LRRC4C: variants seen among roughly 807,000 people sequenced by gnomAD.
The protein encoded by LRRC4C is leucine rich repeat containing 4C.
In LRRC4C, 5 loss-of-function variants were observed where a neutral mutation model predicts 33.6. The ratio of observed to expected loss-of-function variants is 0.15; its 90% CI spans 0.08 to 0.31. The LOEUF is 0.31. Ranked by LOEUF, LRRC4C falls within the 10% of genes least tolerant of loss-of-function variation. The pLI is 1.00. For missense variants in LRRC4C, 560 were observed against 796.7 expected, an observed-to-expected ratio of 0.70 and a Z score of 3.58; for synonymous variants, 329 against 302.0, an observed-to-expected ratio of 1.09 and a Z score of -0.93.
At chr11:40,433,651 A>G (rs1256361307) in intron 3 of LRRC4C, among the ~76,000 whole-genome samples, 3 of 152,210 alleles carry the variant, frequency 2.0e-5, no homozygotes, top group Non-Finnish European at 4.4e-5. Flanking sequence ...AGGAGAGAGA[A>G]CATGTGCATG....
At position 40,114,256 on chromosome 11, in the gene LRRC4C, GT is replaced by G. The variant is rs1564996843; in HGVS notation, c.*113del. The G allele has an allele frequency of 2.5e-6, 3 of 1,183,750 alleles. No individual in the cohort carries two copies. Among genetic ancestry groups the G allele is most frequent in the East Asian group, 2.6e-5 (1 of 37,748 alleles). The allele number at this position is 1,183,750 out of a possible 1,614,324, so 73.3% of individuals were successfully genotyped here. A position where few individuals can be genotyped will look rare whatever the true frequency, so the allele number is the denominator to read the frequency against. The stretch of plus-strand genomic sequence containing the variant: ...AATAAATAAATTTCTTTTCTTTTTT[GT>G]TTTTTTGTAAAGACACTTTTTTGAA... On this transcript the variant is annotated 3_prime_UTR_variant, in exon 7 of 7. Coordinates refer to ENST00000528697, the MANE Select transcript of LRRC4C (RefSeq NM_001258419.2).
chr11:40,836,479 C>T (rs555404255), intron 2 of LRRC4C, among the ~76,000 whole-genome samples: 3 of 152,274 alleles, frequency 2.0e-5, no homozygotes, highest in South Asian at 4.1e-4. Context: ...CTTATGCACT[C>T]TTTAGGGGGC....
intron 1 of LRRC4C, among the ~76,000 whole-genome samples, chr11:40,940,899 G>T (rs142342763): frequency 6.7e-6 from 1 of 148,876 alleles, no homozygotes; most frequent in Non-Finnish European, 1.5e-5. Context: ...GGCCTGAAGA[G>T]CATGACAGAG....
chr11:41,152,593 A>C (rs948324639), intron 1 of LRRC4C, among the ~76,000 whole-genome samples: 1 of 152,208 alleles, frequency 6.6e-6, no homozygotes, highest in African/African-American at 2.4e-5. Context: ...CATTTATAAA[A>C]TGTACATATG....
At chr11:41,080,336 C>G (rs1217410876) in intron 1 of LRRC4C, among the ~76,000 whole-genome samples, 3 of 139,094 alleles carry the variant, frequency 2.2e-5, no homozygotes, top group South Asian at 4.8e-4. Flanking sequence ...ATGTCAGAGT[C>G]TCCTCCTTTT....
At chr11:40,987,927 C>T (rs983994952) in intron 1 of LRRC4C, among the ~76,000 whole-genome samples, 9 of 151,880 alleles carry the variant, frequency 5.9e-5, no homozygotes, top group African/African-American at 2.2e-4. Context: ...AGAGGATTTG[C>T]TAAGTGCCAA....
chr11:40,880,863 GTATA>G (rs61004501), intron 2 of LRRC4C, among the ~76,000 whole-genome samples: 1 of 145,596 alleles, frequency 6.9e-6, no homozygotes, highest in African/African-American at 2.5e-5. Context: ...ATGTGTGTGT[GTATA>G]TATATATATA....
intron 1 of LRRC4C, among the ~76,000 whole-genome samples, chr11:41,431,936 T>G (rs1435785700): frequency 6.6e-6 from 1 of 152,112 alleles, no homozygotes; most frequent in African/African-American, 2.4e-5. Flanking sequence ...AGACATCTAG[T>G]GGTCAGGTCT....
chr11:40,653,983 C>T (rs1275046303), intron 2 of LRRC4C, among the ~76,000 whole-genome samples: 3 of 152,202 alleles, frequency 2.0e-5, no homozygotes, highest in Non-Finnish European at 4.4e-5. Flanking sequence ...AGGATGCAGG[C>T]CCCAAGACTT....
chr11:41,208,558 A>G (rs1946691788), intron 1 of LRRC4C, among the ~76,000 whole-genome samples: 1 of 152,240 alleles, frequency 6.6e-6, no homozygotes, highest in Non-Finnish European at 1.5e-5. Context: ...ATGGGATTAT[A>G]CCAGCAGAAA....
intron 2 of LRRC4C, among the ~76,000 whole-genome samples, chr11:40,888,603 T>C (rs1308521673): frequency 6.6e-6 from 1 of 151,992 alleles, no homozygotes; most frequent in Non-Finnish European, 1.5e-5. Context: ...AGACATCAAC[T>C]TTCCCATAAA....
intron 2 of LRRC4C, among the ~76,000 whole-genome samples, chr11:40,795,834 T>C (rs1221343610): frequency 6.6e-6 from 1 of 152,140 alleles, no homozygotes; most frequent in Admixed American, 6.6e-5. Context: ...CAGAAGAATA[T>C]TCAAAATCTT....
At chr11:40,298,609 C>T (rs1944627536) in intron 4 of LRRC4C, among the ~76,000 whole-genome samples, 1 of 151,932 alleles carries the variant, frequency 6.6e-6, no homozygotes, top group Admixed American at 6.6e-5. Flanking sequence ...AGCCCATTGT[C>T]AGGGAATAGG....
intron 2 of LRRC4C, among the ~76,000 whole-genome samples, chr11:40,745,259 G>C (rs944048257): frequency 6.6e-6 from 1 of 152,126 alleles, no homozygotes; most frequent in African/African-American, 2.4e-5. Flanking sequence ...TGAACTATCT[G>C]TTCTTTCCAA....
intron 3 of LRRC4C, among the ~76,000 whole-genome samples, chr11:40,431,394 C>CAAAAAA (rs572317927): frequency 3.8e-4 from 48 of 125,340 alleles, no homozygotes; most frequent in African/African-American, 8.6e-4. Flanking sequence ...GACTCTGTCT[C>CAAAAAA]AAAAAAAAAA....
At chr11:40,974,078 T>C (rs2137023166) in intron 1 of LRRC4C, among the ~76,000 whole-genome samples, 1 of 152,296 alleles carries the variant, frequency 6.6e-6, no homozygotes, top group Non-Finnish European at 1.5e-5. Context: ...TTAGAAAGTA[T>C]TTTTAAACTT....
chr11:40,291,678 C>T (rs764561760), intron 4 of LRRC4C, among the ~76,000 whole-genome samples: 4 of 152,174 alleles, frequency 2.6e-5, no homozygotes, highest in Admixed American at 6.5e-5. Flanking sequence ...AAAACCCACC[C>T]TTTCTCCCTC....
At chr11:40,368,419 T>C (rs938867761) in intron 3 of LRRC4C, among the ~76,000 whole-genome samples, 2 of 152,128 alleles carry the variant, frequency 1.3e-5, no homozygotes, top group African/African-American at 4.8e-5. Context: ...CATAGTACCA[T>C]GAACCTTCCA....
chr11:40,579,598 A>G (rs114974111), intron 3 of LRRC4C, among the ~76,000 whole-genome samples: 3,495 of 152,152 alleles, frequency 0.023, 134 homozygotes, highest in African/African-American at 0.079. Context: ...GTTTTAGAAC[A>G]TTTTCATCAC....
Sources: allele counts gnomAD v4.1 joint callset (sites outside exome capture counted in the v4.1 genomes callset), GRCh38; gene constraint gnomAD v4.1.1; transcripts MANE v1.5; gene names NCBI Gene and HGNC (gene_info 2026-07-23, HGNC 2026-07-21).